The following WDFY3 variants were observed in gnomAD, a reference collection of about 807,000 sequenced individuals.
WDFY3 encodes WD repeat and FYVE domain containing 3.
Under a neutral mutation model 409.6 loss-of-function variants are expected in WDFY3, and 66 were observed. That is an observed-to-expected ratio of 0.16 (90% CI 0.13 to 0.20). The LOEUF (loss-of-function observed/expected upper bound fraction) is 0.20, where lower values mean the gene tolerates loss of function less well. WDFY3 is among the 10% of genes least tolerant of loss of function. WDFY3 has a pLI of 1.00. For missense variants in WDFY3, 3,031 were observed against 4,298.1 expected (o/e 0.71, Z 8.24); for synonymous variants, 1,521 against 1,537.1 (o/e 0.99, Z 0.25).
Position 84,783,008 on chromosome 4 carries a change from T to A in WDFY3, c.4129A>T (p.Asn1377Tyr). Residue 1377 changes from asparagine (N) to tyrosine (Y), a missense_variant, in exon 25 of 68, where the codon AAT becomes TAT. By Grantham distance (143) the Asn-to-Tyr change is moderately radical. Transcript: ENST00000295888. Reference sequence around the variant, plus strand: ...GCCCCAATTGTCCGTGCAGATCCATTAAGATGTCCTGCTGAATTGTGTATC... The same window carrying A: ...GCCCCAATTGTCCGTGCAGATCCATAAAGATGTCCTGCTGAATTGTGTATC... Reference protein sequence around the residue: ...KLIHNSAGHLNGSARTIGAAL... With the variant: ...KLIHNSAGHLYGSARTIGAAL... 6.2e-7 allele frequency: 1 copy of A among 1,614,090 alleles called. No individual in the cohort carries two copies. The highest frequency in any genetic ancestry group is 1.3e-5 in the African/African-American group (1 of 75,034).
intron 10 of WDFY3, among the ~76,000 whole-genome samples, chr4:84,822,629 T>C (rs1188279607): frequency 3.3e-5 from 5 of 151,666 alleles, no homozygotes; most frequent in Non-Finnish European, 7.4e-5. Flanking sequence ...GGAGGATTGC[T>C]TGAGCCCAGG....
intron 2 of WDFY3, among the ~76,000 whole-genome samples, chr4:84,928,302 A>T (rs1158573110): frequency 2.0e-5 from 3 of 152,134 alleles, no homozygotes; most frequent in Non-Finnish European, 4.4e-5. Flanking sequence ...GAGTTACAGC[A>T]TTGGCTTCCT....
chr4:84,750,320 G>T (rs1165868424), intron 36 of WDFY3, among the ~76,000 whole-genome samples: 1 of 151,972 alleles, frequency 6.6e-6, no homozygotes, highest in Non-Finnish European at 1.5e-5. Flanking sequence ...TGTCATCCTG[G>T]TTAAATGCTT....
At chr4:84,962,557 A>G (rs1238701504) in intron 1 of WDFY3, among the ~76,000 whole-genome samples, 1 of 152,114 alleles carries the variant, frequency 6.6e-6, no homozygotes, top group African/African-American at 2.4e-5. Context: ...GTCCTTTTCT[A>G]TGTCTTGACT....
intron 2 of WDFY3, among the ~76,000 whole-genome samples, chr4:84,921,863 G>C (rs1361329067): frequency 6.6e-6 from 1 of 151,444 alleles, no homozygotes; most frequent in Non-Finnish European, 1.5e-5. Flanking sequence ...CACCATCTTA[G>C]CCAGGTTGGT....
chr4:84,945,733 C>T (rs966211396), intron 1 of WDFY3, among the ~76,000 whole-genome samples: 2 of 152,062 alleles, frequency 1.3e-5, no homozygotes, highest in African/African-American at 4.8e-5. Context: ...GATGTGGGAA[C>T]GTGGTGATGG....
At chr4:84,965,047 TA>T (rs1472592879) in intron 1 of WDFY3, among the ~76,000 whole-genome samples, 20 of 152,228 alleles carry the variant, frequency 1.3e-4, no homozygotes, top group Non-Finnish European at 2.4e-4. Flanking sequence ...GATAAAGTTT[TA>T]TTTTTTTTAA....
At chr4:84,948,021 C>T (rs1487669126) in intron 1 of WDFY3, among the ~76,000 whole-genome samples, 1 of 152,124 alleles carries the variant, frequency 6.6e-6, no homozygotes, top group Non-Finnish European at 1.5e-5. Flanking sequence ...ATTCCTTTTC[C>T]CCTCCTCAAG....
At chr4:84,963,126 AC>A (rs1775126319) in intron 1 of WDFY3, among the ~76,000 whole-genome samples, 1 of 150,674 alleles carries the variant, frequency 6.6e-6, no homozygotes, top group Non-Finnish European at 1.5e-5. Context: ...AAACAAAAAA[AC>A]AAAAAAAAAA....
At chr4:84,773,933 G>A (rs1303139707) in intron 29 of WDFY3, among the ~76,000 whole-genome samples, 1 of 152,134 alleles carries the variant, frequency 6.6e-6, no homozygotes, top group Non-Finnish European at 1.5e-5. Context: ...TGTTGGGCAG[G>A]CTGGTCTTGA....
chr4:84,720,887 T>A (rs1734759482), intron 47 of WDFY3, among the ~76,000 whole-genome samples: 1 of 151,996 alleles, frequency 6.6e-6, no homozygotes, highest in African/African-American at 2.4e-5. Context: ...CTGCAGGGGC[T>A]CAGGCTACAA....
intron 24 of WDFY3, among the ~76,000 whole-genome samples, chr4:84,783,436 G>A (rs1560749833): frequency 6.6e-6 from 1 of 152,162 alleles, no homozygotes; most frequent in African/African-American, 2.4e-5. Context: ...CGGAGATTGT[G>A]CCACTGGCAC....
rs1354656105 is a variant in WDFY3 at position 84,751,623 on chromosome 4, A to C, written c.5833T>G (p.Cys1945Gly). 1.9e-6 allele frequency: 3 copies of C among 1,614,046 alleles called. No homozygotes were observed. The African/African-American group carries it at 4.0e-5, about 22-fold the overall frequency. ...TGMNRSQSEY[C>G]NVGTKTYLTN... ...AGATATGTCTTGGTGCCCACATTGC[A>C]GTACTCTGATTGGCTCCTGTTCATC... Residue 1945 changes from cysteine to glycine, a missense_variant, in exon 36 of 68, where the codon TGC becomes GGC. Cys to Gly is a radical substitution (Grantham distance 159). Coordinates refer to ENST00000295888, the MANE Select transcript of WDFY3 (RefSeq NM_014991.6).
Position 84,716,892 on chromosome 4 carries a change from T to A in WDFY3, c.7875+4A>T, listed in dbSNP as rs1413829099. 3 of 1,572,762 alleles carry A rather than the reference T, an allele frequency of 1.9e-6. No homozygotes were observed. Among genetic ancestry groups the A allele is most frequent in the Admixed American group, 3.6e-5 (2 of 55,240 alleles). ...GATAAAACAGTACTACTAAATTGACTCACCTGCAGGAGATATCTCCTTTTA... is the reference window on the plus strand; with the variant it reads ...GATAAAACAGTACTACTAAATTGACACACCTGCAGGAGATATCTCCTTTTA... On this transcript the variant is annotated splice_donor_region_variant and intron_variant, in intron 49 of 67. Coordinates refer to ENST00000295888, the MANE Select transcript of WDFY3 (RefSeq NM_014991.6).
At chr4:84,683,834 C>T (rs1578121686) in intron 63 of WDFY3, 109 bp downstream of exon 63, 2 of 1,191,058 alleles carry the variant, frequency 1.7e-6, no homozygotes, top group East Asian at 4.9e-5. Context: ...AGCGAGAGTT[C>T]ACTAAACATT....
intron 21 of WDFY3, among the ~76,000 whole-genome samples, chr4:84,794,083 T>C (rs944412155): frequency 1.3e-5 from 2 of 152,200 alleles, no homozygotes; most frequent in African/African-American, 4.8e-5. Flanking sequence ...ATTAGAATTA[T>C]AAAATAGTAT....
At chr4:84,911,102 A>G (rs1332616963) in intron 2 of WDFY3, among the ~76,000 whole-genome samples, 1 of 152,164 alleles carries the variant, frequency 6.6e-6, no homozygotes, top group Admixed American at 6.6e-5. Flanking sequence ...ACTTTAGTAC[A>G]CCAAAGGACA....
intron 2 of WDFY3, among the ~76,000 whole-genome samples, chr4:84,923,045 T>C (rs1413013621): frequency 1.3e-5 from 2 of 152,222 alleles, no homozygotes; most frequent in Non-Finnish European, 2.9e-5. Context: ...CCTGTCTCTT[T>C]AGGTTTGCAA....
intron 55 of WDFY3, among the ~76,000 whole-genome samples, chr4:84,703,959 G>A (rs972846882): frequency 3.3e-5 from 5 of 152,086 alleles, no homozygotes; most frequent in African/African-American, 7.2e-5. Flanking sequence ...GCACACAGTA[G>A]GTATTTATTA....
Sources: allele counts gnomAD v4.1 joint callset (sites outside exome capture counted in the v4.1 genomes callset), GRCh38; gene constraint gnomAD v4.1.1; transcripts MANE v1.5; gene names NCBI Gene and HGNC (gene_info 2026-07-23, HGNC 2026-07-21).